The following HCN2 variants were observed in gnomAD, a reference collection of about 807,000 sequenced individuals.
The protein encoded by HCN2 is hyperpolarization activated cyclic nucleotide gated potassium and sodium channel 2.
HCN2 carries 20 observed loss-of-function variants against 52.3 expected under a neutral mutation model. The ratio of observed to expected loss-of-function variants is 0.38; its 90% CI spans 0.27 to 0.56. HCN2 has a LOEUF of 0.56. Among genes scored for constraint, HCN2 ranks in the 20% least tolerant of loss-of-function variants. The probability of loss-of-function intolerance (pLI) is 0.71; values close to 1 mark genes in which losing one functional copy is unlikely to be tolerated. For synonymous variants in HCN2, 694 were observed against 537.0 expected (o/e 1.29, Z -4.04); for missense variants, 981 against 1,207.7 (o/e 0.81, Z 2.78).
Position 614,062 on chromosome 19 carries a change from A to AGGGGCGTGGCC in HCN2, c.1990+47_1990+57dup. ...GCCGGGGCGGGTGCCCTGGCGGGGG[A>AGGGGCGTGGCC]GGGGCGTGGCCAAGGCATCAGGAGA... On this transcript the variant is annotated intron_variant, in intron 7 of 7. Transcript: ENST00000251287. The AGGGGCGTGGCC allele has an allele frequency of 1.5e-6, 2 of 1,311,212 alleles. 1 individual carries two copies. Among genetic ancestry groups the AGGGGCGTGGCC allele is most frequent in the Non-Finnish European group, 2.0e-6 (2 of 991,032 alleles). 81.2% of individuals were successfully genotyped at this position (1,311,212 alleles called of 1,614,324 possible). A position where few individuals can be genotyped will look rare whatever the true frequency, so the allele number is the denominator to read the frequency against.
chr19:600,860 G>T (rs919785775), intron 1 of HCN2, among the ~76,000 whole-genome samples: 1 of 152,122 alleles, frequency 6.6e-6, no homozygotes, highest in Admixed American at 6.5e-5. Context: ...TCTTGCTGTT[G>T]TACAACCGTC....
At position 590,665 on chromosome 19, in the gene HCN2, G is replaced by A. The variant is rs1434443208; in HGVS notation, c.632+88G>A. ...CGTCCTTGGAGCGCCTGGGGAGGGC[G>A]GGGCGGCGCGCCGGGCCGGTGACCT... is the stretch of plus-strand genomic sequence containing the variant. On this transcript the variant is annotated intron_variant, in intron 1 of 7. Transcript: ENST00000251287. The surrounding 1 kb of genome is among the most constrained non-coding windows in gnomAD (Gnocchi z 7.2). 3.8e-6 allele frequency: 4 copies of A among 1,066,386 alleles called. No homozygotes were observed. The highest frequency in any genetic ancestry group is 4.5e-5 in the Admixed American group (1 of 22,092). The allele number at this position is 1,066,386 out of a possible 1,614,324, so 66.1% of individuals were successfully genotyped here. A position where few individuals can be genotyped will look rare whatever the true frequency, so the allele number is the denominator to read the frequency against.
At position 613,856 on chromosome 19, in the gene HCN2, C is replaced by A. The variant is rs750184908; in HGVS notation, c.1830C>A (p.Ile610=). The A allele has an allele frequency of 6.3e-7, 1 of 1,582,896 alleles. No homozygotes were observed. The highest frequency in any genetic ancestry group is 1.1e-5 in the South Asian group (1 of 88,384). ...KLSDGSYFGE[I]CLLTRGRRTA... ...CCCCCTGCGCGCCACGTGCAGAGAT[C>A]TGCCTGCTCACCCGGGGCCGCCGCA... Residue 610 remains isoleucine (I), a synonymous_variant, in exon 7 of 8, where the codon ATC becomes ATA. Coordinates refer to ENST00000251287, the MANE Select transcript of HCN2 (RefSeq NM_001194.4).
intron 5 of HCN2, among the ~76,000 whole-genome samples, chr19:611,330 A>G (rs1207623147): frequency 6.6e-6 from 1 of 152,202 alleles, no homozygotes; most frequent in African/African-American, 2.4e-5. Context: ...CGCAGGCAGC[A>G]GAGAGCAGCT....
rs201808106 is a variant in HCN2 at position 613,469 on chromosome 19, C to G, written c.1806C>G (p.Ser602=). ...LTKGNKEMKL[S]DGSYFGEICL... The stretch of plus-strand genomic sequence containing the variant: ...AGGGCAACAAGGAGATGAAGCTGTC[C>G]GATGGCTCCTACTTCGGGGGTGAGC... Residue 602 remains serine, a synonymous_variant, in exon 6 of 8, where the codon TCC becomes TCG. Coordinates refer to ENST00000251287, the MANE Select transcript of HCN2 (RefSeq NM_001194.4). 1.3e-6 allele frequency: 2 copies of G among 1,597,426 alleles called. No homozygotes were observed. Among genetic ancestry groups the G allele is most frequent in the Non-Finnish European group, 8.5e-7 (1 of 1,172,082 alleles).
intron 7 of HCN2, 23 bp downstream of exon 7, chr19:614,039 C>G: frequency 7.5e-7 from 1 of 1,332,458 alleles, no homozygotes; most frequent in Non-Finnish European, 1.0e-6. Context: ...GGGGCGTGGC[C>G]GGGGCGGGTG....
chr19:610,914 A>AC (rs149362545), intron 5 of HCN2, among the ~76,000 whole-genome samples: 3,709 of 151,666 alleles, frequency 0.024, 150 homozygotes, highest in African/African-American at 0.081. Context: ...GGGCCGTGCT[A>AC]CCCCCCCGGA....
At chr19:613,138 C>G (rs1983718183) in intron 5 of HCN2, 110 bp from the exon 6 acceptor site, 8 of 1,398,846 alleles carry the variant, frequency 5.7e-6, no homozygotes, top group Middle Eastern at 2.5e-4. Flanking sequence ...CTGAGCCCGT[C>G]TCTCAGACGA....
intron 5 of HCN2, among the ~76,000 whole-genome samples, chr19:611,292 C>T (rs1250759172): frequency 1.3e-5 from 2 of 152,222 alleles, no homozygotes; most frequent in African/African-American, 2.4e-5. Flanking sequence ...CCTCAGGAAG[C>T]GGGGCCTAGG....
chr19:598,385 C>T (rs1370231255), intron 1 of HCN2, among the ~76,000 whole-genome samples: 2 of 151,814 alleles, frequency 1.3e-5, no homozygotes, highest in African/African-American at 4.8e-5. Context: ...TGGCTCACTG[C>T]AGCCTCGACT....
intron 1 of HCN2, among the ~76,000 whole-genome samples, chr19:593,800 G>A (rs766610778): frequency 6.6e-6 from 1 of 152,148 alleles, no homozygotes; most frequent in Non-Finnish European, 1.5e-5. Context: ...GGTTCCAGAG[G>A]CTCAAGTTCC....
At chr19:608,785 G>T (rs1185196950) in intron 4 of HCN2, among the ~76,000 whole-genome samples, 4 of 152,132 alleles carry the variant, frequency 2.6e-5, no homozygotes, top group Non-Finnish European at 5.9e-5. Flanking sequence ...GAGAGGCCTG[G>T]GGTTGCTTCA....
rs1488367518 is a variant in HCN2 at position 617,108 on chromosome 19, C to T, written c.*634C>T. The T allele has an allele frequency of 1.8e-6, 1 of 553,076 alleles. No individual in the cohort carries two copies. 34.3% of individuals were successfully genotyped at this position (553,076 alleles called of 1,614,324 possible). ...GCCCCCACCGTGGCCCCCCACGCCC[C>T]ATTAACCCCCACACCCCCATTCCGC... On this transcript the variant is annotated 3_prime_UTR_variant, in exon 8 of 8. Coordinates refer to ENST00000251287, the MANE Select transcript of HCN2 (RefSeq NM_001194.4).
chr19:597,118 C>T (rs1387873138), intron 1 of HCN2, among the ~76,000 whole-genome samples: 2 of 152,228 alleles, frequency 1.3e-5, no homozygotes, highest in Non-Finnish European at 2.9e-5. Flanking sequence ...CACAAGGGAC[C>T]CTCAGGGTGG....
At chr19:612,162 CAAAA>C (rs1272877762) in intron 5 of HCN2, among the ~76,000 whole-genome samples, 24 of 151,848 alleles carry the variant, frequency 1.6e-4, no homozygotes, top group African/African-American at 5.6e-4. Flanking sequence ...AAAAAAGTAC[CAAAA>C]AGTGCCCCAG....
chr19:610,795 G>A (rs1190554516), intron 5 of HCN2, among the ~76,000 whole-genome samples: 2 of 152,170 alleles, frequency 1.3e-5, no homozygotes, highest in Non-Finnish European at 1.5e-5. Flanking sequence ...CCCTGGGCAA[G>A]TTTCCCAGGG....
Position 590,702 on chromosome 19 carries a change from G to T in HCN2, c.632+125G>T, listed in dbSNP as rs993973620. 2.9e-6 allele frequency: 2 copies of T among 687,488 alleles called. No homozygotes were observed. Among genetic ancestry groups the T allele is most frequent in the Non-Finnish European group, 4.0e-6 (2 of 501,500 alleles). The allele number at this position is 687,488 out of a possible 1,614,324, so 42.6% of individuals were successfully genotyped here. On this transcript the variant is annotated intron_variant, in intron 1 of 7. Transcript: ENST00000251287. This position sits in a 1 kb window ranked among gnomAD's most constrained non-coding sequence, Gnocchi z 7.2. Reference sequence around the variant, plus strand: ...CGGGCCGGTGACCTCGGGGCTCCTCGGTGACCTCGGGCGTGTCCGGGACCC... The same window carrying T: ...CGGGCCGGTGACCTCGGGGCTCCTCTGTGACCTCGGGCGTGTCCGGGACCC...
chr19:607,940 C>T lies in HCN2; in HGVS notation c.1219-24C>T, dbSNP rs760419197. ...CTGGGGCGTGAGCACCTGCCCACCA[C>T]CGCCCCTCCTGCTGGCCTTGCAGAA... On this transcript the variant is annotated intron_variant, in intron 3 of 7. Coordinates refer to ENST00000251287, the MANE Select transcript of HCN2 (RefSeq NM_001194.4). 92 of 1,586,188 alleles carry T rather than the reference C, an allele frequency of 5.8e-5. 4 individuals carry two copies. The South Asian group carries it at 1.0e-3, about 17-fold the overall frequency.
intron 1 of HCN2, among the ~76,000 whole-genome samples, chr19:600,760 C>T (rs151025906): frequency 0.036 from 5,464 of 152,288 alleles, 313 homozygotes; most frequent in African/African-American, 0.12. Flanking sequence ...GGAACACAGG[C>T]GTGAGCCACC....
Sources: gnomAD v4.1 joint callset for allele counts (sites outside exome capture counted in the v4.1 genomes callset) on GRCh38, gnomAD v4.1.1 for gene constraint, Gnocchi (gnomAD v3.1) non-coding constraint, MANE v1.5 for transcripts, NCBI Gene and HGNC (gene_info 2026-07-23, HGNC 2026-07-21) for gene names.